GCH1: variants seen among roughly 807,000 people sequenced by gnomAD.
GCH1 encodes the protein GTP cyclohydrolase I.
GCH1 carries 5 observed loss-of-function variants against 25.9 expected under a neutral mutation model. The observed-to-expected ratio is 0.19, with a 90% CI of 0.10 to 0.41. The LOEUF (loss-of-function observed/expected upper bound fraction) is 0.41, where lower values mean the gene tolerates loss of function less well. Ranked by LOEUF, GCH1 falls within the 10% of genes least tolerant of loss-of-function variation. The pLI is 1.00. For synonymous variants in GCH1, 159 were observed against 129.6 expected, an observed-to-expected ratio of 1.23 and a Z score of -1.54; for missense variants, 261 against 336.5, an observed-to-expected ratio of 0.78 and a Z score of 1.75.
chr14:54,858,268 A>T (rs1342981720), intron 3 of GCH1, among the ~76,000 whole-genome samples: 1 of 151,932 alleles, frequency 6.6e-6, no homozygotes. Flanking sequence ...GGTCACAGAG[A>T]CTCATTTATT....
At position 54,852,406 on chromosome 14, in the gene GCH1, G is replaced by T. The variant is rs149157103; in HGVS notation, c.510-5276C>A. On this transcript the variant is annotated intron_variant, in intron 3 of 5. Transcript: ENST00000491895. ...CTGGAGCTTTTCCCAGCAGTTCAGG[G>T]TACAAGGCAGGAACTGACCCTGGAC... 9.2e-5 allele frequency among the ~76,000 whole-genome samples: 14 copies of T among 152,270 alleles called. No homozygotes were observed. In the East Asian group the frequency reaches 2.7e-3, roughly 29 times the overall value.
In GCH1 at chr14:54,843,798, T is replaced by C. The variant is rs1332745855; in HGVS notation, c.*219A>G. On this transcript the variant is annotated 3_prime_UTR_variant, in exon 6 of 6. Coordinates refer to ENST00000491895, the MANE Select transcript of GCH1 (RefSeq NM_000161.3). ...CGTACTTACACTATTAGCAGTTCAC[T>C]TTAATATTGCCACAAAAAGGTGGCA... 2 of 1,614,028 alleles carry C rather than the reference T, an allele frequency of 1.2e-6. No individual in the cohort carries two copies. The highest frequency in any genetic ancestry group is 1.1e-5 in the South Asian group (1 of 91,062).
At chr14:54,848,730 C>T (rs1355204235) in intron 3 of GCH1, among the ~76,000 whole-genome samples, 1 of 152,142 alleles carries the variant, frequency 6.6e-6, no homozygotes, top group African/African-American at 2.4e-5. Flanking sequence ...TCCCTGAGGG[C>T]AGAAGCCATC....
chr14:54,843,693 T>C lies in GCH1; in HGVS notation c.*324A>G. ...AATGCTCCTATGCTTATGAGGCAAA[T>C]TACTGTACTATTTGAAAAAAATACA... On this transcript the variant is annotated 3_prime_UTR_variant, in exon 6 of 6. Transcript: ENST00000491895. 6.2e-7 allele frequency: 1 copy of C among 1,606,632 alleles called. No individual in the cohort carries two copies. The highest frequency in any genetic ancestry group is 8.5e-7 in the Non-Finnish European group (1 of 1,177,450).
intron 1 of GCH1, among the ~76,000 whole-genome samples, chr14:54,883,795 C>T (rs1045371288): frequency 3.3e-5 from 5 of 152,174 alleles, no homozygotes; most frequent in Non-Finnish European, 7.3e-5. Context: ...ACTACAGTCA[C>T]CACGTCATTC....
chr14:54,862,568 T>C (rs2039916996), intron 2 of GCH1, among the ~76,000 whole-genome samples: 1 of 149,916 alleles, frequency 6.7e-6, no homozygotes, highest in Non-Finnish European at 1.5e-5. Flanking sequence ...GTTTTTTTGT[T>C]TGTCTGTTTG....
At chr14:54,864,689 C>A (rs980562699) in intron 2 of GCH1, among the ~76,000 whole-genome samples, 2 of 152,106 alleles carry the variant, frequency 1.3e-5, no homozygotes, top group Non-Finnish European at 2.9e-5. Context: ...AGCAGAGTGC[C>A]CCACCTTCTG....
intron 5 of GCH1, 125 bp downstream of exon 5, chr14:54,845,643 G>C (rs1290704402): frequency 1.3e-6 from 1 of 748,698 alleles, no homozygotes; most frequent in Non-Finnish European, 2.5e-6. Flanking sequence ...CTCAGGGATG[G>C]AAATCTACAG....
At chr14:54,853,718 A>G (rs758972051) in intron 3 of GCH1, among the ~76,000 whole-genome samples, 1 of 151,538 alleles carries the variant, frequency 6.6e-6, no homozygotes, top group Non-Finnish European at 1.5e-5. Flanking sequence ...AACTACATTA[A>G]TCAGTGAGAT....
At chr14:54,877,323 T>C (rs2040176387) in intron 1 of GCH1, among the ~76,000 whole-genome samples, 1 of 152,066 alleles carries the variant, frequency 6.6e-6, no homozygotes, top group Non-Finnish European at 1.5e-5. Context: ...AAGTTAAAGG[T>C]TTGTCTACAA....
intron 1 of GCH1, among the ~76,000 whole-genome samples, chr14:54,865,716 A>G (rs1459703841): frequency 6.6e-6 from 1 of 152,192 alleles, no homozygotes; most frequent in Admixed American, 6.5e-5. Flanking sequence ...GAAAGGAAAA[A>G]TTATACCAAA....
intron 1 of GCH1, among the ~76,000 whole-genome samples, chr14:54,896,081 T>C (rs1368522321): frequency 6.6e-6 from 1 of 152,224 alleles, no homozygotes; most frequent in Non-Finnish European, 1.5e-5. Context: ...TTTTGAAGAA[T>C]GTAAAATACC....
chr14:54,885,471 G>T (rs191008532), intron 1 of GCH1: 17 of 256,660 alleles, frequency 6.6e-5, no homozygotes, highest in African/African-American at 3.9e-4. Flanking sequence ...ACAGGTGATA[G>T]ATAGATGCTT....
At chr14:54,898,144 C>T (rs1232694622) in intron 1 of GCH1, among the ~76,000 whole-genome samples, 1 of 152,146 alleles carries the variant, frequency 6.6e-6, no homozygotes, top group Non-Finnish European at 1.5e-5. Context: ...CTTTGGGAGA[C>T]CAAGAGGAGA....
chr14:54,885,875 C>T (rs1448096416), intron 1 of GCH1: 2 of 182,232 alleles, frequency 1.1e-5, no homozygotes, highest in Non-Finnish European at 2.3e-5. Context: ...GGCGGCAGAG[C>T]TAGGCTCCAT....
chr14:54,902,305 C>T lies in GCH1; in HGVS notation c.343+16G>A, dbSNP rs758205935. The T allele has an allele frequency of 1.9e-6, 3 of 1,610,834 alleles. No homozygotes were observed. The highest frequency in any genetic ancestry group is 1.7e-6 in the Non-Finnish European group (2 of 1,179,162). On this transcript the variant is annotated intron_variant, in intron 1 of 5. Coordinates refer to ENST00000491895, the MANE Select transcript of GCH1 (RefSeq NM_000161.3). ...CCCGCCGCCCGCACGCTCTAGCAGC[C>T]CGCGGGCGCACTGACCTGAGATGGT... is the stretch of plus-strand genomic sequence containing the variant.
intron 1 of GCH1, among the ~76,000 whole-genome samples, chr14:54,898,465 ATT>A (rs1219170773): frequency 6.6e-6 from 1 of 152,094 alleles, no homozygotes; most frequent in Non-Finnish European, 1.5e-5. Flanking sequence ...CACTAAACAT[ATT>A]TTTTCTTCAA....
chr14:54,902,787 C>T lies in GCH1; in HGVS notation c.-124G>A, dbSNP rs1004597287. On this transcript the variant is annotated 5_prime_UTR_variant, in exon 1 of 6. Coordinates refer to ENST00000491895, the MANE Select transcript of GCH1 (RefSeq NM_000161.3). ...GAGTCACCTGAGGAAGGTACGCAAC[C>T]TGCTTAGATCACACTCCGAGCCGGG... The T allele has an allele frequency of 1.3e-4, 161 of 1,211,888 alleles. No individual in the cohort carries two copies. The highest frequency in any genetic ancestry group is 6.7e-4 in the Admixed American group (16 of 23,986). The allele number at this position is 1,211,888 out of a possible 1,614,324, so 75.1% of individuals were successfully genotyped here.
intron 1 of GCH1, among the ~76,000 whole-genome samples, chr14:54,891,230 G>C (rs932929578): frequency 2.6e-5 from 4 of 151,938 alleles, no homozygotes; most frequent in African/African-American, 9.7e-5. Context: ...AGCCTCCCTA[G>C]CAGCTGGGAT....
Sources: gnomAD v4.1 joint callset for allele counts (sites outside exome capture counted in the v4.1 genomes callset) on GRCh38, gnomAD v4.1.1 for gene constraint, MANE v1.5 for transcripts, NCBI Gene and HGNC (gene_info 2026-07-23, HGNC 2026-07-21) for gene names.